Variants in AKAP9 observed in about 807,000 individuals in gnomAD.
The protein encoded by AKAP9 is A-kinase anchoring protein 9.
Under a neutral mutation model 488.5 loss-of-function variants are expected in AKAP9, and 311 were observed. The observed-to-expected ratio is 0.64, with a 90% CI of 0.58 to 0.70. The LOEUF (loss-of-function observed/expected upper bound fraction) is 0.70. Ranked by LOEUF, AKAP9 falls within the 30% of genes least tolerant of loss-of-function variation. The pLI, the probability that AKAP9 is intolerant of heterozygous loss-of-function variation, is 0.00. For synonymous variants in AKAP9, 1,462 were observed against 1,483.5 expected (o/e 0.99, Z 0.33); for missense variants, 4,215 against 4,374.5 (o/e 0.96, Z 1.03).
At chr7:92,041,691 A>C (rs182044000) in intron 18 of AKAP9, 305 of 218,774 alleles carry the variant, frequency 1.4e-3, no homozygotes, top group African/African-American at 6.6e-3. Flanking sequence ...GTATTCTTTC[A>C]AACATAAAAT....
intron 8 of AKAP9, among the ~76,000 whole-genome samples, chr7:92,008,712 C>T (rs1322450793): frequency 2.7e-5 from 4 of 150,784 alleles, no homozygotes; most frequent in Admixed American, 2.0e-4. Flanking sequence ...ATGGGCCAGG[C>T]GCGGTGGCTC....
chr7:92,038,706 GGACT>G lies in AKAP9; in HGVS notation c.4628_4631del (p.Asp1543ValfsTer3). ...ATCCCCATGATATACCAGAATCAAAGGACTGTGTGCTGACTATTTCAGAAGAAAT... is the reference window on the plus strand; with the variant it reads ...ATCCCCATGATATACCAGAATCAAAGGTGTGCTGACTATTTCAGAAGAAAT... On this transcript the variant is annotated frameshift_variant, in exon 17 of 50. Coordinates refer to ENST00000356239, the MANE Select transcript of AKAP9 (RefSeq NM_005751.5). LOFTEE classifies it high-confidence loss of function. 1 of 1,606,706 alleles carries G rather than the reference GGACT, an allele frequency of 6.2e-7. No individual in the cohort carries two copies. Among genetic ancestry groups the G allele is most frequent in the Non-Finnish European group, 8.5e-7 (1 of 1,177,606 alleles).
intron 2 of AKAP9, among the ~76,000 whole-genome samples, chr7:91,978,013 G>T (rs1031268133): frequency 6.6e-6 from 1 of 152,168 alleles, no homozygotes; most frequent in African/African-American, 2.4e-5. Context: ...AGGCTGAGGT[G>T]GGCAGATCGC....
At chr7:92,019,332 G>T (rs960865118) in intron 12 of AKAP9, among the ~76,000 whole-genome samples, 3 of 151,548 alleles carry the variant, frequency 2.0e-5, no homozygotes, top group Non-Finnish European at 2.9e-5. Context: ...AATAGAGAAG[G>T]GCTTTCACCA....
At chr7:91,975,366 T>C (rs1795528782) in intron 2 of AKAP9, among the ~76,000 whole-genome samples, 1 of 152,186 alleles carries the variant, frequency 6.6e-6, no homozygotes, top group Admixed American at 6.5e-5. Context: ...ACTGCTATTC[T>C]AAATATAATT....
intron 22 of AKAP9, among the ~76,000 whole-genome samples, chr7:92,055,774 C>T (rs1222837452): frequency 1.3e-5 from 2 of 151,998 alleles, no homozygotes. Flanking sequence ...ATTCAGTCAC[C>T]TTTCTGAACA....
intron 8 of AKAP9, among the ~76,000 whole-genome samples, chr7:92,010,279 G>A (rs1165051548): frequency 2.0e-5 from 3 of 152,206 alleles, no homozygotes; most frequent in Admixed American, 6.5e-5. Flanking sequence ...GAATATAAGG[G>A]AGTTTATCTA....
intron 1 of AKAP9, among the ~76,000 whole-genome samples, chr7:91,960,411 A>G (rs1047030890): frequency 1.3e-5 from 2 of 152,230 alleles, no homozygotes; most frequent in African/African-American, 4.8e-5. Context: ...AGCAAATGGT[A>G]TAATGGAAAG....
rs1805528445 is a variant in AKAP9 at position 92,038,413 on chromosome 7, C to G, written c.4339-6C>G. 1 of 1,599,022 alleles carries G rather than the reference C, an allele frequency of 6.3e-7. No individual in the cohort carries two copies. Among genetic ancestry groups the G allele is most frequent in the East Asian group, 2.2e-5 (1 of 44,602 alleles). On this transcript the variant is annotated splice_region_variant and splice_polypyrimidine_tract_variant and intron_variant, in intron 16 of 49. Transcript: ENST00000356239. ...AATCCTTTATTGTTTGCTTTTATTT[C>G]TTTAGGTTATTGTGTCAATGAGTAT...
chr7:92,002,641 T>C lies in AKAP9; in HGVS notation c.2724T>C (p.Thr908=), dbSNP rs1799312044. 6.2e-7 allele frequency: 1 copy of C among 1,612,914 alleles called. No homozygotes were observed. The highest frequency in any genetic ancestry group is 8.5e-7 in the Non-Finnish European group (1 of 1,179,476). ...TTCATTTGCAAAGAATAAATCCAAC[T>C]ACAGTGAAAATGAAAAGTTCTGTCT... The part of the protein sequence containing the change: ...EELHLQRINP[T]TVKMKSSVFD... Residue 908 remains threonine, a synonymous_variant, in exon 8 of 50, where the codon ACT becomes ACC. Transcript: ENST00000356239.
At chr7:92,016,944 G>C in intron 11 of AKAP9, 73 bp from the exon 12 acceptor site, 1 of 1,145,874 alleles carries the variant, frequency 8.7e-7, no homozygotes, top group Non-Finnish European at 1.3e-6. Context: ...ATAAATAGGT[G>C]AATAATATTT....
chr7:91,969,499 T>C (rs1005129699), intron 1 of AKAP9, among the ~76,000 whole-genome samples: 1 of 152,202 alleles, frequency 6.6e-6, no homozygotes, highest in Admixed American at 6.5e-5. Flanking sequence ...AATACTGGGA[T>C]TGGGGTATTT....
chr7:92,093,035 T>C, intron 38 of AKAP9, 62 bp from the exon 39 acceptor site: 1 of 1,430,412 alleles, frequency 7.0e-7, no homozygotes, highest in South Asian at 1.2e-5. Context: ...TATCAACAAA[T>C]ATTTATAAAC....
chr7:91,987,067 A>G (rs1158925064), intron 3 of AKAP9, among the ~76,000 whole-genome samples: 1 of 152,140 alleles, frequency 6.6e-6, no homozygotes, highest in East Asian at 1.9e-4. Context: ...AACTAAATTG[A>G]TGAGCTATCT....
rs75639681 is a variant in AKAP9, at chr7:91,993,195, T to C, written c.576+140T>C. The C allele has an allele frequency of 1.0e-4, 45 of 441,412 alleles. No individual in the cohort carries two copies. In the Middle Eastern group the frequency reaches 3.9e-3, roughly 39 times the overall value. The allele number at this position is 441,412 out of a possible 1,614,324, so 27.3% of individuals were successfully genotyped here. A position where few individuals can be genotyped will look rare whatever the true frequency, so the allele number is the denominator to read the frequency against. On this transcript the variant is annotated intron_variant, in intron 5 of 49. Transcript: ENST00000356239. ...TTTTCTTTTCTTCTTCTTCTTCTTC[T>C]TTTTTTTTTTCCATACAGGGTCTTG...
chr7:92,095,303 T>G lies in AKAP9; in HGVS notation c.9729+130T>G, dbSNP rs527652814. On this transcript the variant is annotated intron_variant, in intron 40 of 49. Coordinates refer to ENST00000356239, the MANE Select transcript of AKAP9 (RefSeq NM_005751.5). ...ATATGGTAAGTTGTTCACTGTGCAT[T>G]GAATACTACATAAACCGTATTATGA... 4.7e-5 allele frequency: 47 copies of G among 993,204 alleles called. No individual in the cohort carries two copies. The South Asian group carries it at 5.9e-4, about 13-fold the overall frequency. 61.5% of individuals were successfully genotyped at this position (993,204 alleles called of 1,614,324 possible).
Position 92,106,328 on chromosome 7 carries a change from A to G in AKAP9, c.11416+565A>G, listed in dbSNP as rs1158998619. On this transcript the variant is annotated intron_variant, in intron 47 of 49. Transcript: ENST00000356239. ...CATGCTCTTTTCATGTATTCTCCCA[A>G]TCCTATGATATAAGTACAGTTTTAC... 2.6e-5 allele frequency among the ~76,000 whole-genome samples: 4 copies of G among 152,160 alleles called. No homozygotes were observed. The East Asian group carries it at 7.7e-4, about 29-fold the overall frequency.
chr7:91,957,934 T>A (rs188778270), intron 1 of AKAP9, among the ~76,000 whole-genome samples: 10 of 152,342 alleles, frequency 6.6e-5, no homozygotes, highest in African/African-American at 2.4e-4. Flanking sequence ...TTTTCTGTTC[T>A]GACGTACAGC....
At chr7:92,089,919 C>T in intron 38 of AKAP9, 1 of 175,894 alleles carries the variant, frequency 5.7e-6, no homozygotes, top group Non-Finnish European at 1.2e-5. Flanking sequence ...TGAGCCATAA[C>T]ATACAGAAAA....
Sources: gnomAD v4.1 joint callset for allele counts (sites outside exome capture counted in the v4.1 genomes callset) on GRCh38, gnomAD v4.1.1 for gene constraint, MANE v1.5 for transcripts, NCBI Gene and HGNC (gene_info 2026-07-23, HGNC 2026-07-21) for gene names.